Variants in EPB41L2 observed in about 807,000 individuals in gnomAD.
EPB41L2 encodes the protein band 4.1-like protein 2.
Under a neutral mutation model 113.0 loss-of-function variants are expected in EPB41L2, and 43 were observed. The ratio of observed to expected loss-of-function variants is 0.38; its 90% CI spans 0.30 to 0.49. The LOEUF is 0.49. Ranked by LOEUF, EPB41L2 falls within the 20% of genes least tolerant of loss-of-function variation. EPB41L2 has a pLI of 0.95. For synonymous variants in EPB41L2, 442 were observed against 436.7 expected (o/e 1.01, Z -0.15); for missense variants, 1,147 against 1,223.4 (o/e 0.94, Z 0.93).
intron 5 of EPB41L2, among the ~76,000 whole-genome samples, chr6:130,907,347 GGT>G (rs1242566797): frequency 6.6e-6 from 1 of 152,184 alleles, no homozygotes; most frequent in Non-Finnish European, 1.5e-5. Context: ...TAATGTATCT[GGT>G]GTCTACTTAT....
intron 4 of EPB41L2, among the ~76,000 whole-genome samples, chr6:130,919,619 G>A (rs1802255166): frequency 6.6e-6 from 1 of 152,042 alleles, no homozygotes; most frequent in Non-Finnish European, 1.5e-5. Context: ...TCTTTCCTGT[G>A]ACCCTGTGAA....
intron 3 of EPB41L2, among the ~76,000 whole-genome samples, chr6:130,953,085 A>G (rs896408056): frequency 4.0e-5 from 6 of 151,086 alleles, no homozygotes; most frequent in African/African-American, 1.2e-4. Flanking sequence ...AGGTCTACAG[A>G]GGTTGAGCAA....
chr6:130,897,889 A>G (rs1474153012), intron 8 of EPB41L2, among the ~76,000 whole-genome samples: 1 of 152,120 alleles, frequency 6.6e-6, no homozygotes, highest in Admixed American at 6.6e-5. Context: ...ACTTTAAATG[A>G]GATGGTATAC....
At chr6:130,960,763 C>T (rs1276424458) in intron 1 of EPB41L2, among the ~76,000 whole-genome samples, 1 of 152,140 alleles carries the variant, frequency 6.6e-6, no homozygotes, top group Admixed American at 6.5e-5. Context: ...ATCCACTCAC[C>T]CTAATTATCA....
intron 19 of EPB41L2, among the ~76,000 whole-genome samples, chr6:130,853,901 G>T (rs1289104183): frequency 2.6e-5 from 4 of 152,142 alleles, no homozygotes; most frequent in African/African-American, 9.7e-5. Flanking sequence ...TTCTGGCAGG[G>T]CAGCCAGACA....
intron 1 of EPB41L2, among the ~76,000 whole-genome samples, chr6:130,995,066 G>A (rs1030971412): frequency 6.6e-6 from 1 of 152,214 alleles, no homozygotes; most frequent in Non-Finnish European, 1.5e-5. Context: ...GCCAGGCGTG[G>A]TGGCTCACAC....
chr6:130,939,647 T>C (rs1428498765), intron 3 of EPB41L2, among the ~76,000 whole-genome samples: 2 of 151,954 alleles, frequency 1.3e-5, no homozygotes, highest in Non-Finnish European at 2.9e-5. Flanking sequence ...ATAAAACGGA[T>C]TATCTAGACA....
At chr6:131,045,052 G>C (rs2128188338) in intron 1 of EPB41L2, among the ~76,000 whole-genome samples, 1 of 152,232 alleles carries the variant, frequency 6.6e-6, no homozygotes, top group East Asian at 1.9e-4. Context: ...AACAAAATCA[G>C]AAAGGCAGTG....
At chr6:131,012,645 T>C (rs1424351041) in intron 1 of EPB41L2, among the ~76,000 whole-genome samples, 1 of 151,304 alleles carries the variant, frequency 6.6e-6, no homozygotes, top group Non-Finnish European at 1.5e-5. Context: ...ATATCCCCAA[T>C]AGAAGAGGGA....
chr6:130,937,760 G>A (rs1809332472), intron 3 of EPB41L2, among the ~76,000 whole-genome samples: 1 of 150,256 alleles, frequency 6.7e-6, no homozygotes, highest in Non-Finnish European at 1.5e-5. Context: ...AAGTTGCAGT[G>A]AGCCAAGATC....
intron 1 of EPB41L2, among the ~76,000 whole-genome samples, chr6:131,008,857 C>T (rs981075296): frequency 6.6e-6 from 1 of 152,196 alleles, no homozygotes; most frequent in Admixed American, 6.5e-5. Context: ...GGTAAATACC[C>T]AATGCCTGTA....
rs561593942 is a variant in EPB41L2, at chr6:131,030,135, T to C, written c.-15+33020A>G. 5.9e-5 allele frequency among the ~76,000 whole-genome samples: 9 copies of C among 152,256 alleles called. No individual in the cohort carries two copies. In the East Asian group the frequency reaches 1.5e-3, roughly 26 times the overall value. ...AAGAGAAACCAGAGGCTCTGCCAAG[T>C]GACTCGCTCAAGAATAAAGTCGGCA... On this transcript the variant is annotated intron_variant, in intron 1 of 19. Transcript: ENST00000337057.
intron 1 of EPB41L2, among the ~76,000 whole-genome samples, chr6:130,997,821 G>T (rs1016477312): frequency 6.6e-6 from 1 of 151,996 alleles, no homozygotes; most frequent in Non-Finnish European, 1.5e-5. Context: ...CTGTAGGGAA[G>T]AATTAAAAGA....
chr6:130,902,026 T>C lies in EPB41L2; in HGVS notation c.930-846A>G, dbSNP rs182203179. Among the ~76,000 whole-genome samples, 414 of 152,346 alleles carry C rather than the reference T, an allele frequency of 2.7e-3. 9 individuals carry two copies. The highest frequency in any genetic ancestry group is 0.024 in the Admixed American group (369 of 15,306). On this transcript the variant is annotated intron_variant, in intron 6 of 19. Coordinates refer to ENST00000337057, the MANE Select transcript of EPB41L2 (RefSeq NM_001431.4). ...AACATGTCATATATACCCTGTGGGT[T>C]TCCCCCACCTTTTAAGCCCCACTAT...
At chr6:130,946,682 A>G (rs1812940163) in intron 3 of EPB41L2, among the ~76,000 whole-genome samples, 1 of 152,120 alleles carries the variant, frequency 6.6e-6, no homozygotes, top group African/African-American at 2.4e-5. Context: ...TAGACACATA[A>G]AATACATATA....
At chr6:130,856,505 G>A (rs2184408) in intron 19 of EPB41L2, among the ~76,000 whole-genome samples, 116,126 of 152,228 alleles carry the variant, frequency 0.76, 44,861 homozygotes, top group East Asian at 1. Context: ...AATGAAGAAA[G>A]TGAGAATTAT....
At chr6:130,878,365 T>G (rs1788228124) in intron 13 of EPB41L2, 115 bp from the exon 14 acceptor site, 7 of 1,227,084 alleles carry the variant, frequency 5.7e-6, no homozygotes. Context: ...AAAAAAACCA[T>G]AGTAAAGCAA....
chr6:130,934,006 T>A (rs752832766), intron 3 of EPB41L2, among the ~76,000 whole-genome samples: 2 of 152,176 alleles, frequency 1.3e-5, no homozygotes, highest in Non-Finnish European at 2.9e-5. Context: ...AAGCTATGTA[T>A]TTTGCACTAG....
intron 12 of EPB41L2, among the ~76,000 whole-genome samples, chr6:130,883,831 T>C (rs1051657031): frequency 6.6e-6 from 1 of 152,204 alleles, no homozygotes; most frequent in Non-Finnish European, 1.5e-5. Flanking sequence ...TCTTTAACGA[T>C]GGAATGTCGA....
Sources: gnomAD v4.1 joint callset for allele counts (sites outside exome capture counted in the v4.1 genomes callset) on GRCh38, gnomAD v4.1.1 for gene constraint, MANE v1.5 for transcripts, NCBI Gene and HGNC (gene_info 2026-07-23, HGNC 2026-07-21) for gene names.